BICRAL: variants seen among roughly 807,000 people sequenced by gnomAD.
BICRAL encodes the protein BRD4-interacting chromatin-remodeling complex-associated protein-like.
In BICRAL, 8 loss-of-function variants were observed where a neutral mutation model predicts 91.8. The observed-to-expected ratio is 0.09, with a 90% CI of 0.05 to 0.16. BICRAL has a LOEUF of 0.16. BICRAL is among the 10% of genes least tolerant of loss of function. BICRAL has a pLI of 1.00. For synonymous variants in BICRAL, 445 were observed against 491.1 expected (o/e 0.91, Z 1.24); for missense variants, 1,038 against 1,310.9 (o/e 0.79, Z 3.21).
intron 2 of BICRAL, among the ~76,000 whole-genome samples, chr6:42,813,261 T>C (rs151042579): frequency 1.2e-3 from 185 of 151,790 alleles, no homozygotes; most frequent in African/African-American, 4.0e-3. Context: ...ACTGGAAGCA[T>C]GAAGAGAACT....
At chr6:42,769,705 C>T (rs535982121) in intron 1 of BICRAL, among the ~76,000 whole-genome samples, 5 of 152,286 alleles carry the variant, frequency 3.3e-5, no homozygotes, top group African/African-American at 9.6e-5. Context: ...ATACTGCTAC[C>T]ACATTTATCC....
At position 42,866,687 on chromosome 6, in the gene BICRAL, G is replaced by A. The variant is rs2114058248; in HGVS notation, c.*1241G>A. On this transcript the variant is annotated 3_prime_UTR_variant, in exon 13 of 13. Transcript: ENST00000314073. Reference sequence around the variant, plus strand: ...TGGGATTCCCATTTGAGAGCCAAAGGATATGCCCTGTCATGGTTTCTGTTT... The same window carrying A: ...TGGGATTCCCATTTGAGAGCCAAAGAATATGCCCTGTCATGGTTTCTGTTT... 2.5e-6 allele frequency: 1 copy of A among 399,186 alleles called. No individual in the cohort carries two copies. The highest frequency in any genetic ancestry group is 7.1e-5 in the East Asian group (1 of 14,010). The allele number at this position is 399,186 out of a possible 1,614,324, so 24.7% of individuals were successfully genotyped here. A position where few individuals can be genotyped will look rare whatever the true frequency, so the allele number is the denominator to read the frequency against.
Position 42,863,849 on chromosome 6 carries a change from GA to G in BICRAL, c.2453-807del, listed in dbSNP as rs1317813930. Among the ~76,000 whole-genome samples the G allele has an allele frequency of 2.0e-5, 3 of 152,242 alleles. No homozygotes were observed. In the East Asian group the frequency reaches 5.8e-4, roughly 30 times the overall value. ...TCAAGACCAGCCTGACCAACATGGTGAAACCCCGTCTTTACTAAAAGTACCA... is the reference window on the plus strand; with the variant it reads ...TCAAGACCAGCCTGACCAACATGGTGAACCCCGTCTTTACTAAAAGTACCA... On this transcript the variant is annotated intron_variant, in intron 12 of 12. Transcript: ENST00000314073.
rs370028249 is a variant in BICRAL, at chr6:42,830,176, A to G, written c.1839+4A>G. 6.4e-5 allele frequency: 103 copies of G among 1,613,362 alleles called. No individual in the cohort carries two copies. Among genetic ancestry groups the G allele is most frequent in the Middle Eastern group, 1.7e-4 (1 of 6,058 alleles). Reference sequence around the variant, plus strand: ...CCAGCAACAATTCTTCTGCCAGGTAATGCCCTTTCCCAAATAAATATTTGG... The same window carrying G: ...CCAGCAACAATTCTTCTGCCAGGTAGTGCCCTTTCCCAAATAAATATTTGG... On this transcript the variant is annotated splice_donor_region_variant and intron_variant, in intron 6 of 12. Coordinates refer to ENST00000314073, the MANE Select transcript of BICRAL (RefSeq NM_001393499.1).
At chr6:42,799,741 T>G (rs1414460133) in intron 1 of BICRAL, among the ~76,000 whole-genome samples, 1 of 152,242 alleles carries the variant, frequency 6.6e-6, no homozygotes, top group Admixed American at 6.5e-5. Flanking sequence ...GATAGAAGTT[T>G]ATGTCTCTTA....
intron 1 of BICRAL, among the ~76,000 whole-genome samples, chr6:42,787,422 G>C (rs1359206227): frequency 1.3e-5 from 2 of 152,112 alleles, no homozygotes; most frequent in Non-Finnish European, 2.9e-5. Context: ...GGAGTCACTA[G>C]TATACAGATG....
chr6:42,749,286 G>A (rs1442566653), intron 1 of BICRAL, among the ~76,000 whole-genome samples: 1 of 152,098 alleles, frequency 6.6e-6, no homozygotes, highest in Non-Finnish European at 1.5e-5. Flanking sequence ...AATAAGCCAG[G>A]AACAGAAAGA....
chr6:42,853,813 G>A, intron 8 of BICRAL, 75 bp downstream of exon 8: 1 of 1,122,148 alleles, frequency 8.9e-7, no homozygotes, highest in Non-Finnish European at 1.3e-6. Flanking sequence ...CTATCTTTGT[G>A]GTTGCTGGCT....
At chr6:42,782,324 T>G (rs1762934450) in intron 1 of BICRAL, among the ~76,000 whole-genome samples, 1 of 121,224 alleles carries the variant, frequency 8.2e-6, no homozygotes, top group South Asian at 2.9e-4. Context: ...TGGCTAAGGC[T>G]GTGTTTTTTT....
At chr6:42,822,200 C>A in intron 3 of BICRAL, 137 bp downstream of exon 3, 1 of 561,870 alleles carries the variant, frequency 1.8e-6, no homozygotes, top group Non-Finnish European at 3.2e-6. Flanking sequence ...AGTAGAGAAA[C>A]AGAGACATGA....
At chr6:42,862,939 T>C (rs1367307020) in intron 12 of BICRAL, among the ~76,000 whole-genome samples, 1 of 152,194 alleles carries the variant, frequency 6.6e-6, no homozygotes, top group Non-Finnish European at 1.5e-5. Context: ...TCATCAAAGC[T>C]CTATTTCACT....
chr6:42,838,542 T>C (rs1764701924), intron 6 of BICRAL, among the ~76,000 whole-genome samples: 1 of 152,220 alleles, frequency 6.6e-6, no homozygotes, highest in African/African-American at 2.4e-5. Flanking sequence ...CATGTGACTA[T>C]TCTGTTTCTC....
chr6:42,780,825 C>T (rs967556210), upstream of BICRAL, among the ~76,000 whole-genome samples: 3 of 152,054 alleles, frequency 2.0e-5, no homozygotes, highest in East Asian at 1.9e-4. Context: ...CAACCTTTGT[C>T]TCCCGGGTTC....
intron 1 of BICRAL, among the ~76,000 whole-genome samples, chr6:42,775,013 A>C (rs1190081632): frequency 2.0e-5 from 3 of 151,276 alleles, no homozygotes; most frequent in African/African-American, 7.3e-5. Flanking sequence ...ACTAACTGCA[A>C]CCTCCGCCTC....
chr6:42,856,043 G>A, intron 9 of BICRAL, 126 bp downstream of exon 9: 2 of 802,118 alleles, frequency 2.5e-6, no homozygotes, highest in Admixed American at 3.8e-5. Flanking sequence ...AATGTACTTT[G>A]AGGCAAGGCA....
chr6:42,747,795 G>GTTTTTTTT (rs1343500976), intron 1 of BICRAL, among the ~76,000 whole-genome samples: 5 of 141,082 alleles, frequency 3.5e-5, no homozygotes, highest in Admixed American at 7.1e-5. Context: ...TTGCTTTTTT[G>GTTTTTTTT]TTTTATTTTG....
intron 1 of BICRAL, among the ~76,000 whole-genome samples, chr6:42,796,062 A>G (rs1317440760): frequency 6.6e-6 from 1 of 152,196 alleles, no homozygotes; most frequent in East Asian, 1.9e-4. Flanking sequence ...TCATTTATCC[A>G]TTCAGCAAAT....
At chr6:42,753,120 T>G (rs968045396) in intron 1 of BICRAL, among the ~76,000 whole-genome samples, 1 of 150,714 alleles carries the variant, frequency 6.6e-6, no homozygotes, top group Non-Finnish European at 1.5e-5. Flanking sequence ...TAGAGACTGG[T>G]TTCACCATGT....
At chr6:42,776,186 T>C (rs1487236499) in intron 1 of BICRAL, among the ~76,000 whole-genome samples, 8 of 151,524 alleles carry the variant, frequency 5.3e-5, no homozygotes. Context: ...CACACCTGGC[T>C]AATTCTTGTA....
Sources: allele counts gnomAD v4.1 joint callset (sites outside exome capture counted in the v4.1 genomes callset), GRCh38; gene constraint gnomAD v4.1.1; transcripts MANE v1.5; gene names NCBI Gene and HGNC (gene_info 2026-07-23, HGNC 2026-07-21).